The following CASD1 variants were observed in gnomAD, a reference collection of about 807,000 sequenced individuals.
CASD1 encodes CAS1 domain sialic acid O acetyltransferase 1.
A neutral mutation model predicts 100.0 loss-of-function variants in CASD1; 41 were observed. The ratio of observed to expected loss-of-function variants is 0.41; its 90% CI spans 0.32 to 0.53. CASD1 has a LOEUF of 0.53. Ranked by LOEUF, CASD1 falls within the 20% of genes least tolerant of loss-of-function variation. The probability of loss-of-function intolerance (pLI) is 0.25; values close to 1 mark genes in which losing one functional copy is unlikely to be tolerated. For synonymous variants in CASD1, 321 were observed against 315.6 expected, an observed-to-expected ratio of 1.02 and a Z score of -0.18; for missense variants, 774 against 948.7, an observed-to-expected ratio of 0.82 and a Z score of 2.42.
chr7:94,621,661 G>A, the CASD1 span: 1 of 152,190 alleles, frequency 6.6e-6, no homozygotes, highest in Admixed American at 6.5e-5. Context: ...AGGTGAGATG[G>A]TCCAAGGCCA....
At chr7:94,559,792 C>CT (rs2116457139), downstream of CASD1, among the ~76,000 whole-genome samples, 1 of 152,126 alleles carries the variant, frequency 6.6e-6, no homozygotes, top group Non-Finnish European at 1.5e-5. Context: ...TCCCAAAGTG[C>CT]TAGGATATAG....
chr7:94,588,980 A>G, the CASD1 span: 1 of 509,068 alleles, frequency 2.0e-6, no homozygotes, highest in South Asian at 2.1e-5. Flanking sequence ...ACCTCACAAC[A>G]ACCCTAAGAG....
the CASD1 span, among the ~76,000 whole-genome samples, chr7:94,603,765 A>G: frequency 2.0e-5 from 3 of 149,566 alleles, no homozygotes; most frequent in Non-Finnish European, 4.4e-5. Context: ...TGATTACTAT[A>G]TTTAGTAATT....
the CASD1 span, among the ~76,000 whole-genome samples, chr7:94,610,536 T>TA: frequency 6.6e-6 from 1 of 152,088 alleles, no homozygotes; most frequent in Non-Finnish European, 1.5e-5. Flanking sequence ...TCAAAGACTT[T>TA]AAGAGCTAAA....
In CASD1 at chr7:94,556,606, T is replaced by C. The variant is rs1796214297; in HGVS notation, c.*848T>C. ...TTATTTCCAATATTTGGAAAGCTCT[T>C]TATAGCCATTTGGTATTTCCTATTA... On this transcript the variant is annotated 3_prime_UTR_variant, in exon 18 of 18. Coordinates refer to ENST00000297273, the MANE Select transcript of CASD1 (RefSeq NM_022900.5). 1 of 152,048 alleles carries C rather than the reference T, an allele frequency of 6.6e-6. No homozygotes were observed. Among genetic ancestry groups the C allele is most frequent in the Non-Finnish European group, 1.5e-5 (1 of 67,924 alleles). The allele number at this position is 152,048 out of a possible 1,614,324, so 9.4% of individuals were successfully genotyped here. A position where few individuals can be genotyped will look rare whatever the true frequency, so the allele number is the denominator to read the frequency against.
chr7:94,551,128 G>C (rs565105541), intron 14 of CASD1, among the ~76,000 whole-genome samples: 66 of 152,164 alleles, frequency 4.3e-4, no homozygotes, highest in African/African-American at 1.6e-3. Context: ...TGTTCCAAGA[G>C]ATGCTTGCTT....
chr7:94,522,177 TCTTGAAGAGAACTTTCTGCTG>T (rs1402590529), intron 3 of CASD1, among the ~76,000 whole-genome samples: 2 of 152,136 alleles, frequency 1.3e-5, no homozygotes, highest in Non-Finnish European at 2.9e-5. Context: ...TTCAGATTGC[TCTTGAAGAGAACTTTCTGCTG>T]CTTAAAAAGA....
chr7:94,600,773 G>A, the CASD1 span: 3 of 1,613,522 alleles, frequency 1.9e-6, no homozygotes, highest in African/African-American at 1.3e-5. Flanking sequence ...GAATCAGAAG[G>A]GGGTTTGTAT....
At chr7:94,623,332 A>G in the CASD1 span, 3 of 1,581,908 alleles carry the variant, frequency 1.9e-6, no homozygotes, top group Admixed American at 3.4e-5. Context: ...TACCTTCTGC[A>G]GACATTATAT....
intron 2 of CASD1, 147 bp from the exon 3 acceptor site, chr7:94,518,056 A>G: frequency 2.9e-6 from 2 of 680,108 alleles, no homozygotes; most frequent in East Asian, 5.7e-5. Flanking sequence ...TGGAGTGGTA[A>G]GTTAAACAAA....
chr7:94,623,223 G>A, the CASD1 span: 2 of 665,648 alleles, frequency 3.0e-6, no homozygotes, highest in African/African-American at 3.7e-5. Context: ...GTTATATTAG[G>A]TATGTGGCAT....
At chr7:94,613,610 A>G in the CASD1 span, among the ~76,000 whole-genome samples, 1 of 152,174 alleles carries the variant, frequency 6.6e-6, no homozygotes, top group Non-Finnish European at 1.5e-5. Flanking sequence ...AAATGCATTT[A>G]TTGAGGCCTT....
the CASD1 span, chr7:94,617,998 T>G: frequency 1.3e-5 from 2 of 152,136 alleles, no homozygotes; most frequent in African/African-American, 4.8e-5. Context: ...AGGATTGAGG[T>G]AGGAAAAGCA....
chr7:94,599,797 G>C, the CASD1 span: 2 of 1,034,694 alleles, frequency 1.9e-6, no homozygotes, highest in Non-Finnish European at 3.0e-6. Flanking sequence ...ATGCTCATGG[G>C]ATCTTGCATG....
chr7:94,548,669 A>T (rs1275918321), intron 13 of CASD1, among the ~76,000 whole-genome samples: 5 of 151,840 alleles, frequency 3.3e-5, no homozygotes, highest in Non-Finnish European at 5.9e-5. Context: ...TCTAAAATAT[A>T]ATATTATTTT....
chr7:94,607,148 T>C, the CASD1 span, among the ~76,000 whole-genome samples: 2 of 151,918 alleles, frequency 1.3e-5, no homozygotes. Flanking sequence ...GGAAATTGAA[T>C]CAATAATTAA....
chr7:94,531,107 A>G (rs1159468007), intron 5 of CASD1, among the ~76,000 whole-genome samples: 2 of 152,164 alleles, frequency 1.3e-5, no homozygotes. Context: ...CTTTCAAGTA[A>G]TCTGTTGGTT....
At chr7:94,510,920 G>C (rs2116147616) in intron 1 of CASD1, among the ~76,000 whole-genome samples, 1 of 152,362 alleles carries the variant, frequency 6.6e-6, no homozygotes, top group Non-Finnish European at 1.5e-5. Flanking sequence ...GGAAGTTGTG[G>C]GTTGACAGGC....
chr7:94,515,878 T>C (rs1793955673), intron 1 of CASD1, among the ~76,000 whole-genome samples: 1 of 152,142 alleles, frequency 6.6e-6, no homozygotes, highest in Non-Finnish European at 1.5e-5. Flanking sequence ...TAAAGAGAAA[T>C]GCTATAAATA....
Sources: allele counts gnomAD v4.1 joint callset (sites outside exome capture counted in the v4.1 genomes callset), GRCh38; gene constraint gnomAD v4.1.1; transcripts MANE v1.5; gene names NCBI Gene and HGNC (gene_info 2026-07-23, HGNC 2026-07-21).